Variants in CBLB observed in about 807,000 individuals in gnomAD.
CBLB encodes the protein E3 ubiquitin-protein ligase CBL-B.
In CBLB, 31 loss-of-function variants were observed where a neutral mutation model predicts 104.9. The observed-to-expected ratio is 0.30, with a 90% confidence interval of 0.22 to 0.40. CBLB has a LOEUF of 0.40. CBLB is among the 10% of genes least tolerant of loss of function. The pLI is 1.00. For synonymous variants in CBLB, 440 were observed against 422.6 expected (o/e 1.04, Z -0.51); for missense variants, 1,062 against 1,214.6 (o/e 0.87, Z 1.87).
At chr3:105,677,906 C>A (rs552916333) in intron 17 of CBLB, among the ~76,000 whole-genome samples, 1 of 151,486 alleles carries the variant, frequency 6.6e-6, no homozygotes, top group African/African-American at 2.4e-5. Context: ...TAGATACACA[C>A]TGAGGCATTA....
In CBLB at chr3:105,780,660, G is replaced by GTTTTTTTTTTTTTT. The variant is rs58640968; in HGVS notation, c.420-4132_420-4119dup. Among the ~76,000 whole-genome samples, 746 of 93,922 alleles carry GTTTTTTTTTTTTTT rather than the reference G, an allele frequency of 7.9e-3. 16 individuals carry two copies. Among genetic ancestry groups the GTTTTTTTTTTTTTT allele is most frequent in the Middle Eastern group, 0.031 (3 of 96 alleles). 61.6% of individuals were successfully genotyped at this position (93,922 alleles called of 152,430 possible). ...TTTTACAATAAAAGTTTTGTTTTTT[G>GTTTTTTTTTTTTTT]TTTTTTTTTTTTTTTTTTTTGAGAT... On this transcript the variant is annotated intron_variant, in intron 3 of 18. Coordinates refer to ENST00000394030, the MANE Select transcript of CBLB (RefSeq NM_170662.5).
chr3:105,794,172 G>C (rs2082000210), intron 3 of CBLB, among the ~76,000 whole-genome samples: 1 of 152,128 alleles, frequency 6.6e-6, no homozygotes, highest in Admixed American at 6.5e-5. Context: ...TTAACAGTAA[G>C]TAATACACTT....
chr3:105,855,343 A>C (rs937460109), intron 2 of CBLB, among the ~76,000 whole-genome samples: 5 of 152,212 alleles, frequency 3.3e-5, no homozygotes, highest in Non-Finnish European at 7.3e-5. Context: ...TCTAATGTAC[A>C]GCATGAGGCC....
At chr3:105,859,239 G>A (rs186957750) in intron 2 of CBLB, among the ~76,000 whole-genome samples, 1 of 152,296 alleles carries the variant, frequency 6.6e-6, no homozygotes, top group East Asian at 1.9e-4. Context: ...CAACAGTAAG[G>A]AATTGTGCCT....
chr3:105,719,740 GAA>G (rs139770262), intron 10 of CBLB, among the ~76,000 whole-genome samples: 1 of 152,032 alleles, frequency 6.6e-6, no homozygotes, highest in Admixed American at 6.6e-5. Context: ...TCCTACTTAT[GAA>G]AAAAAGTTAA....
Position 105,663,799 on chromosome 3 carries a change from G to A in CBLB, c.2690-4570C>T, listed in dbSNP as rs563253393. Among the ~76,000 whole-genome samples the A allele has an allele frequency of 1.1e-4, 16 of 151,922 alleles. No individual in the cohort carries two copies. The South Asian group carries it at 1.7e-3, about 16-fold the overall frequency. ...ATTTTAGATGGTAAAATGGTTTGTG[G>A]CCTTCCAAAGAGCCATGGTACATAG... On this transcript the variant is annotated intron_variant, in intron 18 of 18. Coordinates refer to ENST00000394030, the MANE Select transcript of CBLB (RefSeq NM_170662.5).
At chr3:105,762,827 C>T (rs1159887840) in intron 4 of CBLB, among the ~76,000 whole-genome samples, 2 of 152,162 alleles carry the variant, frequency 1.3e-5, no homozygotes, top group South Asian at 2.1e-4. Flanking sequence ...AGAGGGCCAC[C>T]GTCCTCCAGA....
chr3:105,804,201 G>T (rs956398207), intron 3 of CBLB, among the ~76,000 whole-genome samples: 2 of 152,100 alleles, frequency 1.3e-5, no homozygotes, highest in African/African-American at 2.4e-5. Context: ...TATAAATGCG[G>T]ATACACACTG....
In CBLB at chr3:105,741,099, T is replaced by TTG. The variant is rs1432616300; in HGVS notation, c.846-469_846-468insCA. On this transcript the variant is annotated intron_variant, in intron 6 of 18. Transcript: ENST00000394030. ...AATTTAGACATAAAAATTAGGGTTT[T>TTG]TTTTTTTTTTTTTTTTTTGAGACGG... Among the ~76,000 whole-genome samples, 57 of 113,844 alleles carry TTG rather than the reference T, an allele frequency of 5.0e-4. 1 individual carries two copies. Among genetic ancestry groups the TTG allele is most frequent in the African/African-American group, 1.7e-3 (56 of 32,792 alleles). 74.7% of individuals were successfully genotyped at this position (113,844 alleles called of 152,430 possible). A position where few individuals can be genotyped will look rare whatever the true frequency, so the allele number is the denominator to read the frequency against.
chr3:105,843,096 T>C (rs35581896), intron 3 of CBLB, among the ~76,000 whole-genome samples: 23,753 of 152,164 alleles, frequency 0.16, 2,036 homozygotes, highest in Non-Finnish European at 0.19. Context: ...GCTTTCCTAG[T>C]ACAGAGGCAA....
chr3:105,862,983 T>C (rs146180518), intron 2 of CBLB, among the ~76,000 whole-genome samples: 2 of 152,336 alleles, frequency 1.3e-5, no homozygotes, highest in African/African-American at 2.4e-5. Flanking sequence ...CTCTATGGCA[T>C]AGCTATTTGG....
chr3:105,834,085 G>C (rs2088016249), intron 3 of CBLB, among the ~76,000 whole-genome samples: 1 of 151,694 alleles, frequency 6.6e-6, no homozygotes, highest in Non-Finnish European at 1.5e-5. Context: ...AATTTCCTGG[G>C]GTGGGGGTGG....
chr3:105,816,192 TAGTA>T (rs2085028003), intron 3 of CBLB, among the ~76,000 whole-genome samples: 1 of 152,050 alleles, frequency 6.6e-6, no homozygotes, highest in African/African-American at 2.4e-5. Flanking sequence ...TCCCAGAACT[TAGTA>T]TATTTTTTAA....
chr3:105,838,438 C>T (rs1387891061), intron 3 of CBLB, among the ~76,000 whole-genome samples: 1 of 151,664 alleles, frequency 6.6e-6, no homozygotes, highest in Admixed American at 6.6e-5. Context: ...AAATCAGAGC[C>T]AAGATGGGCA....
At chr3:105,731,185 CA>C (rs2074273870) in intron 9 of CBLB, among the ~76,000 whole-genome samples, 1 of 152,142 alleles carries the variant, frequency 6.6e-6, no homozygotes, top group Non-Finnish European at 1.5e-5. Context: ...GATTACACAG[CA>C]TTAGTAATAC....
chr3:105,831,019 T>C (rs900920662), intron 3 of CBLB, among the ~76,000 whole-genome samples: 3 of 152,210 alleles, frequency 2.0e-5, no homozygotes, highest in African/African-American at 7.2e-5. Flanking sequence ...ACCTTGTCAT[T>C]TAAATACGAA....
chr3:105,798,287 T>C (rs894618184), intron 3 of CBLB, among the ~76,000 whole-genome samples: 3 of 152,292 alleles, frequency 2.0e-5, no homozygotes, highest in African/African-American at 7.2e-5. Flanking sequence ...GTATTACTTA[T>C]TCAAATGTTG....
chr3:105,800,137 C>A (rs1211310639), intron 3 of CBLB, among the ~76,000 whole-genome samples: 1 of 152,108 alleles, frequency 6.6e-6, no homozygotes, highest in Non-Finnish European at 1.5e-5. Context: ...GCCTCAAATT[C>A]CTCATCTGAA....
chr3:105,713,485 C>T (rs997139688), intron 10 of CBLB, among the ~76,000 whole-genome samples: 9 of 152,042 alleles, frequency 5.9e-5, no homozygotes, highest in Admixed American at 2.0e-4. Context: ...AGCCTGTGTC[C>T]TCAAGGAGCT....
Sources: gnomAD v4.1 joint callset for allele counts (sites outside exome capture counted in the v4.1 genomes callset) on GRCh38, gnomAD v4.1.1 for gene constraint, MANE v1.5 for transcripts, NCBI Gene and HGNC (gene_info 2026-07-23, HGNC 2026-07-21) for gene names.